The following ABR variants were observed in gnomAD, a reference collection of about 807,000 sequenced individuals.
The protein encoded by ABR is ABR activator of RhoGEF and GTPase, also known as active breakpoint cluster region-related protein.
Under a neutral mutation model 107.2 loss-of-function variants are expected in ABR, and 35 were observed. That is an observed-to-expected ratio of 0.33 (90% CI 0.25 to 0.43). The LOEUF (loss-of-function observed/expected upper bound fraction) is 0.43. Among genes scored for constraint, ABR ranks in the 20% least tolerant of loss-of-function variants. ABR has a pLI of 1.00. For synonymous variants in ABR, 498 were observed against 462.0 expected, an observed-to-expected ratio of 1.08 and a Z score of -1.00; for missense variants, 815 against 1,115.2, an observed-to-expected ratio of 0.73 and a Z score of 3.83.
upstream of ABR, among the ~76,000 whole-genome samples, chr17:1,188,357 T>C (rs558099173): frequency 6.6e-6 from 1 of 152,160 alleles, no homozygotes; most frequent in Admixed American, 6.5e-5. Context: ...GAGACCATCC[T>C]GGCTAACACG....
intron 10 of ABR, among the ~76,000 whole-genome samples, chr17:1,059,152 C>T (rs957060673): frequency 2.0e-5 from 3 of 152,112 alleles, no homozygotes; most frequent in African/African-American, 7.2e-5. Flanking sequence ...CTACCTGACG[C>T]TCACTCGCCA....
chr17:1,174,447 G>A (rs1346482884), intron 1 of ABR, among the ~76,000 whole-genome samples: 1 of 152,114 alleles, frequency 6.6e-6, no homozygotes, highest in East Asian at 1.9e-4. Context: ...CTTGGTCCCT[G>A]GTGTAGAGAA....
At chr17:1,057,942 G>A (rs747679168) in intron 12 of ABR, 28 bp downstream of exon 12, 1 of 1,595,216 alleles carries the variant, frequency 6.3e-7, no homozygotes, top group Non-Finnish European at 8.6e-7. Flanking sequence ...GGACATCATT[G>A]GGGAGCGTGG....
At chr17:1,182,073 A>G (rs967888777), upstream of ABR, 1 of 152,080 alleles carries the variant, frequency 6.6e-6, no homozygotes, top group African/African-American at 2.4e-5. Flanking sequence ...CATTCTGTCC[A>G]ATCCTGGCAC....
intron 5 of ABR, among the ~76,000 whole-genome samples, chr17:1,081,345 G>T (rs2036224269): frequency 1.3e-5 from 2 of 152,206 alleles, no homozygotes; most frequent in South Asian, 4.1e-4. Flanking sequence ...AAAGTGCTGG[G>T]ATTACAGGCG....
At chr17:1,047,402 C>A (rs2031791636) in intron 16 of ABR, among the ~76,000 whole-genome samples, 1 of 152,244 alleles carries the variant, frequency 6.6e-6, no homozygotes, top group Non-Finnish European at 1.5e-5. Context: ...CCCAGCCTGG[C>A]CATCCACGGT....
intron 16 of ABR, among the ~76,000 whole-genome samples, chr17:1,048,260 T>C (rs575167022): frequency 6.6e-6 from 1 of 152,120 alleles, no homozygotes; most frequent in Non-Finnish European, 1.5e-5. Context: ...CCCCACAGCA[T>C]CGGAAAGAGA....
upstream of ABR, among the ~76,000 whole-genome samples, chr17:1,180,930 G>A (rs570511376): frequency 3.7e-3 from 565 of 152,302 alleles, 1 homozygote; most frequent in Middle Eastern, 6.8e-3. Context: ...GGGGGTCCAG[G>A]GCAGTGGGGC....
At chr17:1,087,527 G>A (rs2036682906) in intron 4 of ABR, among the ~76,000 whole-genome samples, 1 of 151,724 alleles carries the variant, frequency 6.6e-6, no homozygotes, top group Non-Finnish European at 1.5e-5. Context: ...AGGGGGCAGG[G>A]CCGGACTTTT....
At chr17:1,033,819 G>T (rs910500524) in intron 16 of ABR, among the ~76,000 whole-genome samples, 12 of 152,040 alleles carry the variant, frequency 7.9e-5, no homozygotes, top group African/African-American at 2.4e-4. Flanking sequence ...CCTAACTGAG[G>T]CCTCAGTCAC....
chr17:1,041,405 G>C (rs920278236), intron 16 of ABR, among the ~76,000 whole-genome samples: 2 of 152,198 alleles, frequency 1.3e-5, no homozygotes, highest in Non-Finnish European at 2.9e-5. Context: ...AGCCAGTGCT[G>C]AAGGTGGGGT....
intron 1 of ABR, among the ~76,000 whole-genome samples, chr17:1,174,105 CCATCTTCCATCCTCCTAACAG>C (rs1046978831): frequency 5.9e-5 from 9 of 152,330 alleles, no homozygotes; most frequent in Middle Eastern, 3.4e-3. Context: ...CCGCCATTCC[CCATCTTCCATCCTCCTAACAG>C]CATCTTCCAG....
chr17:1,056,066 G>A lies in ABR; in HGVS notation c.1530C>T (p.Val510=). 2 of 1,614,202 alleles carry A rather than the reference G, an allele frequency of 1.2e-6. No individual in the cohort carries two copies. The highest frequency in any genetic ancestry group is 1.7e-6 in the Non-Finnish European group (2 of 1,180,040). Residue 510 remains valine, a synonymous_variant, in exon 14 of 23, where the codon GTC becomes GTT. Coordinates refer to ENST00000302538, the MANE Select transcript of ABR (RefSeq NM_021962.5). The part of the protein sequence containing the change: ...PGLYGFLHVI[V]HSAKGFKQSA... ...ATTGCTTAAATCCCTTGGCAGAGTGGACGATGACATGAAGGAAGCCATAGA... is the reference window on the plus strand; with the variant it reads ...ATTGCTTAAATCCCTTGGCAGAGTGAACGATGACATGAAGGAAGCCATAGA...
chr17:1,046,340 G>T (rs1376860054), intron 16 of ABR, among the ~76,000 whole-genome samples: 1 of 139,456 alleles, frequency 7.2e-6, no homozygotes, highest in Admixed American at 8.1e-5. Flanking sequence ...GTTTCGCCAT[G>T]TTGGCCAGGC....
chr17:1,016,199 G>C (rs1263711466), intron 16 of ABR, among the ~76,000 whole-genome samples: 1 of 152,040 alleles, frequency 6.6e-6, no homozygotes, highest in Admixed American at 6.6e-5. Context: ...TCTCTCAGTT[G>C]AAAATTGAGT....
intron 16 of ABR, among the ~76,000 whole-genome samples, chr17:1,048,591 G>T: frequency 7.7e-6 from 1 of 129,832 alleles, no homozygotes; most frequent in East Asian, 2.1e-4. Flanking sequence ...ATCACGTCCG[G>T]GGCCACGGTC....
intron 16 of ABR, among the ~76,000 whole-genome samples, chr17:1,023,109 C>G (rs1157739247): frequency 6.6e-6 from 1 of 151,596 alleles, no homozygotes; most frequent in Non-Finnish European, 1.5e-5. Flanking sequence ...CTGCCGGCCC[C>G]ACGTCCACTA....
At chr17:1,028,268 T>G (rs911498661) in intron 16 of ABR, among the ~76,000 whole-genome samples, 2 of 151,914 alleles carry the variant, frequency 1.3e-5, no homozygotes, top group East Asian at 3.9e-4. Flanking sequence ...TTTTTTTTTT[T>G]TTGTATTTTT....
Position 1,050,140 on chromosome 17 carries a change from G to T in ABR, c.1701C>A (p.Ile567=). The change falls in exon 16 of 23, where the codon ATC becomes ATA. Residue 567 remains isoleucine, a synonymous_variant. Coordinates refer to ENST00000302538, the MANE Select transcript of ABR (RefSeq NM_021962.5). The surrounding 1 kb of genome is among the most constrained non-coding windows in gnomAD (Gnocchi z 4.6). ...IELEGSQSLR[I]LCYEKCYDKT... ...TGTCATAGCACTTCTCATAGCACAGGATCCTCAGGGACTGGGAGCCCTCCA... is the reference window on the plus strand; with the variant it reads ...TGTCATAGCACTTCTCATAGCACAGTATCCTCAGGGACTGGGAGCCCTCCA... 1 of 1,614,056 alleles carries T rather than the reference G, an allele frequency of 6.2e-7. No individual in the cohort carries two copies. The highest frequency in any genetic ancestry group is 2.2e-5 in the East Asian group (1 of 44,890).
Sources: allele counts gnomAD v4.1 joint callset (sites outside exome capture counted in the v4.1 genomes callset), GRCh38; gene constraint gnomAD v4.1.1; non-coding constraint Gnocchi (gnomAD v3.1); transcripts MANE v1.5; gene names NCBI Gene and HGNC (gene_info 2026-07-23, HGNC 2026-07-21).